Variants in FGGY observed in about 807,000 individuals in gnomAD.
FGGY encodes FGGY carbohydrate kinase domain containing, also known as FGGY carbohydrate kinase domain-containing protein.
Under a neutral mutation model 71.3 loss-of-function variants are expected in FGGY, and 72 were observed. That is an observed-to-expected ratio of 1.01 (90% CI 0.84 to 1.23). The LOEUF (loss-of-function observed/expected upper bound fraction) is 1.23. FGGY is among the 50% of genes most tolerant of loss of function. FGGY has a pLI of 0.00. For synonymous variants in FGGY, 251 were observed against 250.3 expected (o/e 1.00, Z -0.02); for missense variants, 668 against 682.3 (o/e 0.98, Z 0.23).
At chr1:59,521,600 A>G (rs537457044) in intron 7 of FGGY, among the ~76,000 whole-genome samples, 2 of 152,314 alleles carry the variant, frequency 1.3e-5, no homozygotes, top group African/African-American at 4.8e-5. Flanking sequence ...AGGCTTTAGA[A>G]CTAAAAGGCT....
chr1:59,646,403 TTATATA>T (rs1042622898), intron 11 of FGGY, among the ~76,000 whole-genome samples: 1 of 151,602 alleles, frequency 6.6e-6, no homozygotes, highest in East Asian at 1.9e-4. Context: ...GGTTTTCTGA[TTATATA>T]TATATAATCA....
In FGGY at chr1:59,608,706, G is replaced by A. The variant is rs761805009; in HGVS notation, c.1011+796G>A. Among the ~76,000 whole-genome samples the A allele has an allele frequency of 5.6e-4, 85 of 152,166 alleles. 1 individual carries two copies. The highest frequency in any genetic ancestry group is 7.8e-4 in the Admixed American group (12 of 15,296). ...AAATTAGCTGGGCTCGATGGCAGGC[G>A]CCTGTAATCTCAGCTACTCAGATAC... On this transcript the variant is annotated intron_variant, in intron 9 of 15. Coordinates refer to ENST00000303721, the MANE Select transcript of FGGY (RefSeq NM_018291.5).
intron 2 of FGGY, among the ~76,000 whole-genome samples, chr1:59,338,002 C>A (rs1456522544): frequency 6.6e-6 from 1 of 152,076 alleles, no homozygotes; most frequent in Non-Finnish European, 1.5e-5. Flanking sequence ...GTAGATGCTC[C>A]TTATCAGGTT....
chr1:59,659,747 A>G (rs2097257212), intron 11 of FGGY, among the ~76,000 whole-genome samples: 1 of 152,158 alleles, frequency 6.6e-6, no homozygotes, highest in Non-Finnish European at 1.5e-5. Flanking sequence ...CCTAGTAGGT[A>G]TAATATTTGT....
chr1:59,671,106 T>G (rs1162104628), intron 13 of FGGY, among the ~76,000 whole-genome samples: 3 of 152,194 alleles, frequency 2.0e-5, no homozygotes, highest in Non-Finnish European at 2.9e-5. Flanking sequence ...ACAGGGATGC[T>G]AAGAAGAACA....
At chr1:59,454,034 G>A (rs1232982109) in intron 5 of FGGY, among the ~76,000 whole-genome samples, 4 of 152,136 alleles carry the variant, frequency 2.6e-5, no homozygotes, top group South Asian at 2.1e-4. Flanking sequence ...AGAGAGCCAC[G>A]AGTTTAGCTT....
intron 6 of FGGY, among the ~76,000 whole-genome samples, chr1:59,498,571 G>C (rs967946374): frequency 6.6e-6 from 1 of 152,078 alleles, no homozygotes; most frequent in Non-Finnish European, 1.5e-5. Flanking sequence ...CCTGGTGAGG[G>C]AGGATGGCTG....
Position 59,749,375 on chromosome 1 carries a change from C to A in FGGY, c.1513-8556C>A, listed in dbSNP as rs557594669. 3.3e-5 allele frequency among the ~76,000 whole-genome samples: 5 copies of A among 152,234 alleles called. No homozygotes were observed. The South Asian group carries it at 1.0e-3, about 32-fold the overall frequency. On this transcript the variant is annotated intron_variant, in intron 14 of 15. Coordinates refer to ENST00000303721, the MANE Select transcript of FGGY (RefSeq NM_018291.5). ...GGCATCTGAAGTGTGGGCAGTCTTG[C>A]TGGACTGAGCCCTGAAGCTGTGGGG...
At chr1:59,384,477 AAAT>A (rs2059851295) in intron 5 of FGGY, among the ~76,000 whole-genome samples, 1 of 152,178 alleles carries the variant, frequency 6.6e-6, no homozygotes, top group African/African-American at 2.4e-5. Flanking sequence ...TTGTAGATGG[AAAT>A]AATGACAACA....
chr1:59,678,674 A>G (rs1558774667), intron 14 of FGGY, among the ~76,000 whole-genome samples: 1 of 152,208 alleles, frequency 6.6e-6, no homozygotes, highest in Non-Finnish European at 1.5e-5. Context: ...GTAATTTCTT[A>G]TCTTCAGGGG....
intron 5 of FGGY, among the ~76,000 whole-genome samples, chr1:59,405,371 A>G (rs1046426302): frequency 1.3e-5 from 2 of 152,228 alleles, no homozygotes; most frequent in African/African-American, 4.8e-5. Flanking sequence ...TCAATTCTGC[A>G]ACTTATTCCT....
chr1:59,466,674 C>T (rs2092649179), intron 6 of FGGY, among the ~76,000 whole-genome samples: 3 of 152,162 alleles, frequency 2.0e-5, no homozygotes, highest in Non-Finnish European at 4.4e-5. Context: ...AATAAAACAA[C>T]CCCATCAAAA....
At chr1:59,419,325 T>G (rs892310015) in intron 5 of FGGY, among the ~76,000 whole-genome samples, 2 of 152,210 alleles carry the variant, frequency 1.3e-5, no homozygotes, top group Admixed American at 1.3e-4. Flanking sequence ...TTGTATTTTG[T>G]ATTAAAATAA....
intron 4 of FGGY, among the ~76,000 whole-genome samples, chr1:59,359,250 G>A (rs1001375672): frequency 6.6e-6 from 1 of 152,046 alleles, no homozygotes; most frequent in Non-Finnish European, 1.5e-5. Context: ...ACTTCTGATG[G>A]TTTAAGTTAA....
Position 59,568,320 on chromosome 1 carries a change from C to T in FGGY, c.903+14093C>T, listed in dbSNP as rs368148662. On this transcript the variant is annotated intron_variant, in intron 8 of 15. Coordinates refer to ENST00000303721, the MANE Select transcript of FGGY (RefSeq NM_018291.5). ...AAAGAGCCTGTGCTCTCTTATTCAT[C>T]TGGCCTTTGGGCATGTTGTTTTCCC... 2.1e-3 allele frequency among the ~76,000 whole-genome samples: 318 copies of T among 152,264 alleles called. 2 individuals carry two copies. The highest frequency in any genetic ancestry group is 7.2e-3 in the African/African-American group (301 of 41,538).
chr1:59,612,339 A>G (rs1572084533), intron 9 of FGGY, among the ~76,000 whole-genome samples: 2 of 152,356 alleles, frequency 1.3e-5, no homozygotes, highest in East Asian at 3.9e-4. Context: ...GGGGGCCAAT[A>G]TTCAACATTC....
intron 11 of FGGY, among the ~76,000 whole-genome samples, chr1:59,652,772 C>T (rs917066954): frequency 1.1e-4 from 16 of 152,086 alleles, no homozygotes; most frequent in African/African-American, 3.9e-4. Context: ...CATTCTCCAT[C>T]CAGCTTTGTT....
chr1:59,619,256 C>G (rs897839226), intron 9 of FGGY, among the ~76,000 whole-genome samples: 2 of 152,064 alleles, frequency 1.3e-5, no homozygotes, highest in African/African-American at 4.8e-5. Context: ...GTAAAACAGC[C>G]TCTTCTGCAC....
intron 14 of FGGY, among the ~76,000 whole-genome samples, chr1:59,683,782 C>T (rs2097524077): frequency 6.6e-6 from 1 of 152,198 alleles, no homozygotes; most frequent in African/African-American, 2.4e-5. Context: ...AAATTAAAAG[C>T]ACTCTTGGTT....
Sources: gnomAD v4.1 joint callset for allele counts (sites outside exome capture counted in the v4.1 genomes callset) on GRCh38, gnomAD v4.1.1 for gene constraint, MANE v1.5 for transcripts, NCBI Gene and HGNC (gene_info 2026-07-23, HGNC 2026-07-21) for gene names.